CDH1: variants seen among roughly 807,000 people sequenced by gnomAD.
The protein encoded by CDH1 is cadherin-1.
A neutral mutation model predicts 84.5 loss-of-function variants in CDH1; 35 were observed. The observed-to-expected ratio is 0.41, with a 90% CI of 0.32 to 0.55. The LOEUF (loss-of-function observed/expected upper bound fraction) is 0.55. CDH1 is among the 20% of genes least tolerant of loss of function. The pLI is 0.19. For missense variants in CDH1, 994 were observed against 1,126.6 expected (o/e 0.88, Z 1.68); for synonymous variants, 417 against 439.0 (o/e 0.95, Z 0.63).
rs2152139319 is a variant in CDH1 at position 68,823,442 on chromosome 16, G to A, written c.1980G>A (p.Val660=). ...TGAAGCCAAAGATGGCCTTAGAGGTGGGTGACTACAAAATCAATCTCAAGC... is the reference window on the plus strand; with the variant it reads ...TGAAGCCAAAGATGGCCTTAGAGGTAGGTGACTACAAAATCAATCTCAAGC... ...IILKPKMALE[V]GDYKINLKLM... Residue 660 remains valine, a synonymous_variant, in exon 13 of 16, where the codon GTG becomes GTA. Coordinates refer to ENST00000261769, the MANE Select transcript of CDH1 (RefSeq NM_004360.5). 6.2e-7 allele frequency: 1 copy of A among 1,613,870 alleles called. No homozygotes were observed. The highest frequency in any genetic ancestry group is 8.5e-7 in the Non-Finnish European group (1 of 1,179,924).
chr16:68,737,612 G>T, intron 1 of CDH1, 149 bp downstream of exon 1: 1 of 750,928 alleles, frequency 1.3e-6, no homozygotes. Context: ...GAAGCCTCGC[G>T]CGCTCCGGAC....
intron 2 of CDH1, among the ~76,000 whole-genome samples, chr16:68,795,647 A>C (rs1960338833): frequency 6.6e-6 from 1 of 151,886 alleles, no homozygotes; most frequent in Non-Finnish European, 1.5e-5. Context: ...GGTGCCCGCC[A>C]CCATGCCTGG....
intron 2 of CDH1, among the ~76,000 whole-genome samples, chr16:68,744,627 G>A (rs939513038): frequency 6.6e-6 from 1 of 152,028 alleles, no homozygotes; most frequent in African/African-American, 2.4e-5. Context: ...GATTTGGGTG[G>A]CATCTTCCCC....
At chr16:68,800,608 A>G (rs1960472218) in intron 2 of CDH1, among the ~76,000 whole-genome samples, 1 of 152,196 alleles carries the variant, frequency 6.6e-6, no homozygotes, top group Non-Finnish European at 1.5e-5. Flanking sequence ...CCATCGGACA[A>G]TTATTTGAAA....
intron 3 of CDH1, 57 bp downstream of exon 3, chr16:68,801,950 G>C (rs1228790548): frequency 2.1e-6 from 3 of 1,411,910 alleles, no homozygotes; most frequent in Non-Finnish European, 3.0e-6. Flanking sequence ...GTCTAATCCA[G>C]GTTTCTCAGC....
At chr16:68,831,988 A>G (rs1961495854) in intron 15 of CDH1, among the ~76,000 whole-genome samples, 1 of 152,204 alleles carries the variant, frequency 6.6e-6, no homozygotes. Context: ...AAGCAAGATC[A>G]TGGGTGGAGC....
intron 2 of CDH1, among the ~76,000 whole-genome samples, chr16:68,740,196 A>G (rs1427982479): frequency 6.6e-6 from 1 of 152,042 alleles, no homozygotes; most frequent in Non-Finnish European, 1.5e-5. Flanking sequence ...ATCACCCACA[A>G]TTCCCCTGAG....
At chr16:68,830,686 A>T (rs1265245012) in intron 15 of CDH1, among the ~76,000 whole-genome samples, 2 of 152,108 alleles carry the variant, frequency 1.3e-5, no homozygotes, top group African/African-American at 4.8e-5. Context: ...TTGTTGTCTC[A>T]TGATCACAAG....
chr16:68,831,805 C>T (rs1961491592), intron 15 of CDH1, among the ~76,000 whole-genome samples: 1 of 152,080 alleles, frequency 6.6e-6, no homozygotes, highest in African/African-American at 2.4e-5. Flanking sequence ...TCCCAAAGTA[C>T]TGGGATTATG....
chr16:68,770,278 C>T (rs1959526785), intron 2 of CDH1, among the ~76,000 whole-genome samples: 1 of 152,148 alleles, frequency 6.6e-6, no homozygotes, highest in South Asian at 2.1e-4. Context: ...AAGACATCGC[C>T]TGGCTAGACC....
intron 2 of CDH1, among the ~76,000 whole-genome samples, chr16:68,764,202 T>G (rs568569644): frequency 1.3e-5 from 2 of 152,328 alleles, no homozygotes; most frequent in East Asian, 3.9e-4. Flanking sequence ...ATGTGGATCA[T>G]GTCTACATCT....
chr16:68,833,215 T>C, intron 15 of CDH1, 75 bp from the exon 16 acceptor site: 1 of 1,307,886 alleles, frequency 7.6e-7, no homozygotes, highest in South Asian at 1.2e-5. Context: ...CCTTACATAT[T>C]GCTAGACTTC....
chr16:68,795,787 T>C (rs1307682260), intron 2 of CDH1, among the ~76,000 whole-genome samples: 3 of 149,348 alleles, frequency 2.0e-5, no homozygotes, highest in African/African-American at 7.3e-5. Context: ...TGAGCCACCA[T>C]GCCCAGCCAG....
At chr16:68,745,203 T>A (rs1373915474) in intron 2 of CDH1, among the ~76,000 whole-genome samples, 1 of 151,164 alleles carries the variant, frequency 6.6e-6, no homozygotes, top group African/African-American at 2.4e-5. Context: ...CCAGGCCAGA[T>A]AGATGCTGTG....
chr16:68,783,437 A>T (rs1959944315), intron 2 of CDH1, among the ~76,000 whole-genome samples: 1 of 151,722 alleles, frequency 6.6e-6, no homozygotes, highest in Non-Finnish European at 1.5e-5. Context: ...AAGTTTGTTT[A>T]TGTGAACATA....
At chr16:68,794,300 C>A (rs1156434790) in intron 2 of CDH1, among the ~76,000 whole-genome samples, 1 of 152,018 alleles carries the variant, frequency 6.6e-6, no homozygotes, top group South Asian at 2.1e-4. Context: ...CTCTGCCTCC[C>A]GAAGTGTTGG....
At chr16:68,825,077 C>G (rs1223949123) in intron 13 of CDH1, among the ~76,000 whole-genome samples, 1 of 151,676 alleles carries the variant, frequency 6.6e-6, no homozygotes, top group Non-Finnish European at 1.5e-5. Context: ...AAGACTGTCT[C>G]TACAAAATAA....
chr16:68,785,295 G>A (rs996561084), intron 2 of CDH1, among the ~76,000 whole-genome samples: 11 of 152,154 alleles, frequency 7.2e-5, no homozygotes, highest in Admixed American at 3.9e-4. Flanking sequence ...AGAATCAAGC[G>A]ATTCTCCTCC....
chr16:68,755,263 ACAGGGCAAGACTCTGTCT>A (rs1217675571), intron 2 of CDH1, among the ~76,000 whole-genome samples: 3 of 134,852 alleles, frequency 2.2e-5, no homozygotes, highest in African/African-American at 8.6e-5. Flanking sequence ...AGCCTGGGTG[ACAGGGCAAGACTCTGTCT>A]CAAAAAAAAA....
Sources: gnomAD v4.1 joint callset for allele counts (sites outside exome capture counted in the v4.1 genomes callset) on GRCh38, gnomAD v4.1.1 for gene constraint, MANE v1.5 for transcripts, NCBI Gene and HGNC (gene_info 2026-07-23, HGNC 2026-07-21) for gene names.